Variants in CFAP221 observed in about 807,000 individuals in gnomAD.
CFAP221 encodes cilia and flagella associated protein 221.
CFAP221 carries 97 observed loss-of-function variants against 113.1 expected under a neutral mutation model. The observed-to-expected ratio is 0.86, with a 90% CI of 0.73 to 1.02. CFAP221 has a LOEUF of 1.02. Among genes scored for constraint, CFAP221 ranks in the 50% least tolerant of loss-of-function variants. The pLI, the probability that CFAP221 is intolerant of heterozygous loss-of-function variation, is 0.00. For missense variants in CFAP221, 1,025 were observed against 1,013.4 expected (o/e 1.01, Z -0.16); for synonymous variants, 331 against 354.4 (o/e 0.93, Z 0.74).
intron 21 of CFAP221, 127 bp from the exon 22 acceptor site, chr2:119,646,831 A>C: frequency 5.6e-6 from 4 of 711,290 alleles, no homozygotes; most frequent in Non-Finnish European, 8.8e-6. Context: ...GCTTTTCAAG[A>C]GTGAGGGAGG....
intron 7 of CFAP221, among the ~76,000 whole-genome samples, chr2:119,587,924 C>G (rs1259828312): frequency 6.6e-6 from 1 of 152,120 alleles, no homozygotes; most frequent in Non-Finnish European, 1.5e-5. Context: ...AATTAATTCT[C>G]AATTATGAAA....
intron 20 of CFAP221, 121 bp from the exon 21 acceptor site, chr2:119,639,660 T>C (rs1260537360): frequency 1.3e-6 from 1 of 743,728 alleles, no homozygotes; most frequent in Non-Finnish European, 2.2e-6. Context: ...TCAAACTGAA[T>C]GAAATTACAG....
intron 4 of CFAP221, 63 bp from the exon 5 acceptor site, chr2:119,559,865 C>A: frequency 6.7e-7 from 1 of 1,482,212 alleles, no homozygotes; most frequent in Non-Finnish European, 9.1e-7. Context: ...TGTGTTGTCA[C>A]CCCCGGTGCT....
intron 11 of CFAP221, among the ~76,000 whole-genome samples, chr2:119,605,569 T>A (rs978566590): frequency 1.3e-5 from 2 of 152,130 alleles, no homozygotes; most frequent in African/African-American, 4.8e-5. Context: ...CCCGGACAGA[T>A]CTGGGTGCCT....
At chr2:119,657,252 A>T (rs938135609), downstream of CFAP221, among the ~76,000 whole-genome samples, 1 of 152,218 alleles carries the variant, frequency 6.6e-6, no homozygotes, top group East Asian at 1.9e-4. Context: ...AGCTGGTATC[A>T]GACTGTATGT....
chr2:119,559,812 G>A, intron 4 of CFAP221, 37 bp downstream of exon 4: 1 of 1,490,088 alleles, frequency 6.7e-7, no homozygotes, highest in Non-Finnish European at 9.0e-7. Context: ...CCCACGGTGT[G>A]GTTGTCTGCG....
chr2:119,641,290 A>G (rs565718281), intron 21 of CFAP221, among the ~76,000 whole-genome samples: 99 of 152,296 alleles, frequency 6.5e-4, no homozygotes, highest in Non-Finnish European at 1.2e-3. Flanking sequence ...AGCACCCAGC[A>G]TAGGATTTGG....
intron 7 of CFAP221, among the ~76,000 whole-genome samples, chr2:119,591,513 G>C (rs1279703590): frequency 1.3e-5 from 2 of 152,234 alleles, no homozygotes; most frequent in Non-Finnish European, 2.9e-5. Flanking sequence ...TTAGCCGCAT[G>C]CCAGGTGCTG....
intron 16 of CFAP221, among the ~76,000 whole-genome samples, chr2:119,628,294 G>GGTGTGTGTGTGTGTGT (rs70949303): frequency 1.5e-4 from 21 of 137,482 alleles, no homozygotes; most frequent in East Asian, 4.4e-4. Context: ...CTCTCTGGGG[G>GGTGTGTGTGTGTGTGT]GTGTGTGTGT....
At chr2:119,610,498 C>G (rs1004013600) in intron 12 of CFAP221, among the ~76,000 whole-genome samples, 1 of 152,118 alleles carries the variant, frequency 6.6e-6, no homozygotes, top group African/African-American at 2.4e-5. Flanking sequence ...ATAAATCTCC[C>G]TTGCCATTAT....
intron 6 of CFAP221, among the ~76,000 whole-genome samples, chr2:119,565,539 C>T (rs1486575766): frequency 6.6e-6 from 1 of 152,110 alleles, no homozygotes; most frequent in African/African-American, 2.4e-5. Context: ...AATGTACCAA[C>T]CTCCCTAGAG....
At position 119,615,172 on chromosome 2, in the gene CFAP221, C is replaced by T. The variant is rs1685439781; in HGVS notation, c.1312-439C>T. 3.3e-5 allele frequency among the ~76,000 whole-genome samples: 5 copies of T among 152,244 alleles called. No individual in the cohort carries two copies. In the South Asian group the frequency reaches 1.0e-3, roughly 31 times the overall value. ...TTATTCATTTACTAACTTAGATACA[C>T]TGGTGCCCAGGACATGCAGGCACAT... is the stretch of plus-strand genomic sequence containing the variant. On this transcript the variant is annotated intron_variant, in intron 13 of 23. Transcript: ENST00000413369.
At chr2:119,557,906 C>G (rs1277486300) in intron 3 of CFAP221, among the ~76,000 whole-genome samples, 1 of 144,310 alleles carries the variant, frequency 6.9e-6, no homozygotes, top group African/African-American at 2.6e-5. Context: ...CTGCAGTGAG[C>G]GAAGATCGCG....
At chr2:119,600,985 T>A (rs911334479) in intron 7 of CFAP221, among the ~76,000 whole-genome samples, 4 of 152,360 alleles carry the variant, frequency 2.6e-5, no homozygotes, top group African/African-American at 9.6e-5. Context: ...ACATATAACA[T>A]ATACAATATG....
chr2:119,621,017 G>A (rs895230923), intron 14 of CFAP221, among the ~76,000 whole-genome samples: 3 of 152,072 alleles, frequency 2.0e-5, no homozygotes, highest in East Asian at 3.9e-4. Context: ...CTCAGGTCGG[G>A]AGTTCGAGAC....
intron 3 of CFAP221, among the ~76,000 whole-genome samples, chr2:119,550,645 T>C (rs981973566): frequency 6.6e-6 from 1 of 152,224 alleles, no homozygotes; most frequent in African/African-American, 2.4e-5. Flanking sequence ...TGATTCATAA[T>C]TACTAATTGT....
intron 15 of CFAP221, chr2:119,625,923 C>G: frequency 3.9e-6 from 2 of 514,250 alleles, no homozygotes; most frequent in Non-Finnish European, 6.9e-6. Flanking sequence ...GGTATTTTCT[C>G]AACCTAGCAT....
intron 6 of CFAP221, chr2:119,580,424 C>T (rs543103954): frequency 4.6e-5 from 7 of 152,314 alleles, no homozygotes; most frequent in Non-Finnish European, 1.0e-4. Flanking sequence ...GCTCACAGTA[C>T]AGCTACGCTC....
chr2:119,610,166 A>G (rs1442671544), intron 12 of CFAP221, among the ~76,000 whole-genome samples: 1 of 152,188 alleles, frequency 6.6e-6, no homozygotes, highest in Non-Finnish European at 1.5e-5. Flanking sequence ...GGCTGCGGGC[A>G]GTGACAGCCA....
Sources: gnomAD v4.1 joint callset for allele counts (sites outside exome capture counted in the v4.1 genomes callset) on GRCh38, gnomAD v4.1.1 for gene constraint, MANE v1.5 for transcripts, NCBI Gene and HGNC (gene_info 2026-07-23, HGNC 2026-07-21) for gene names.